Variants in TGFBR3 observed in about 807,000 individuals in gnomAD.
TGFBR3 encodes the protein transforming growth factor beta receptor type 3.
In TGFBR3, 46 loss-of-function variants were observed where a neutral mutation model predicts 87.9. That is an observed-to-expected ratio of 0.52 (90% CI 0.41 to 0.67). The LOEUF (loss-of-function observed/expected upper bound fraction) is 0.67. Ranked by LOEUF, TGFBR3 falls within the 30% of genes least tolerant of loss-of-function variation. The pLI is 0.00. For missense variants in TGFBR3, 866 were observed against 1,041.9 expected, an observed-to-expected ratio of 0.83 and a Z score of 2.32; for synonymous variants, 381 against 391.6, an observed-to-expected ratio of 0.97 and a Z score of 0.32.
At chr1:91,787,583 G>T (rs1298640886) in intron 3 of TGFBR3, among the ~76,000 whole-genome samples, 1 of 152,180 alleles carries the variant, frequency 6.6e-6, no homozygotes, top group Non-Finnish European at 1.5e-5. Context: ...TTTTGGAGTT[G>T]TAAGCAAGGA....
chr1:91,699,003 G>T (rs1244757510), intron 14 of TGFBR3, among the ~76,000 whole-genome samples: 1 of 148,772 alleles, frequency 6.7e-6, no homozygotes, highest in Non-Finnish European at 1.5e-5. Context: ...ATATTCTAGA[G>T]CCCAGAGCTG....
At chr1:91,893,351 C>T (rs887049138) in intron 2 of TGFBR3, among the ~76,000 whole-genome samples, 2 of 151,776 alleles carry the variant, frequency 1.3e-5, no homozygotes, top group Non-Finnish European at 2.9e-5. Flanking sequence ...GTGGCGTGAT[C>T]TCGGCCCACT....
intron 2 of TGFBR3, among the ~76,000 whole-genome samples, chr1:91,838,382 T>C (rs1204519379): frequency 6.6e-6 from 1 of 152,168 alleles, no homozygotes; most frequent in Non-Finnish European, 1.5e-5. Context: ...AACAGTATCT[T>C]TCATGAAAAA....
At chr1:91,859,401 TTCTC>T (rs1200563198) in intron 2 of TGFBR3, among the ~76,000 whole-genome samples, 24 of 147,684 alleles carry the variant, frequency 1.6e-4, no homozygotes, top group South Asian at 2.2e-4. Context: ...CTCTCCCTCT[TTCTC>T]TCTCTCTTTT....
In TGFBR3 at chr1:91,722,194, T is replaced by C. The variant is rs1235144709; in HGVS notation, c.886-50A>G. 4.2e-6 allele frequency: 6 copies of C among 1,420,196 alleles called. No individual in the cohort carries two copies. In the African/African-American group the frequency reaches 8.6e-5, roughly 20 times the overall value. The allele number at this position is 1,420,196 out of a possible 1,614,324, so 88.0% of individuals were successfully genotyped here. The stretch of plus-strand genomic sequence containing the variant: ...TCATGAGTCTAAAATTAAACAGTAC[T>C]TTAGATAATAAAAATTAAATATCTT... On this transcript the variant is annotated intron_variant, in intron 7 of 16. Transcript: ENST00000212355.
At chr1:91,827,715 A>G (rs959283285) in intron 2 of TGFBR3, among the ~76,000 whole-genome samples, 1 of 152,216 alleles carries the variant, frequency 6.6e-6, no homozygotes, top group Admixed American at 6.5e-5. Flanking sequence ...ACTACAGGAA[A>G]TATCTGAGTG....
intron 2 of TGFBR3, among the ~76,000 whole-genome samples, chr1:91,845,797 G>A (rs1249500561): frequency 6.6e-6 from 1 of 152,022 alleles, no homozygotes; most frequent in Non-Finnish European, 1.5e-5. Context: ...CTAAACAGAG[G>A]ACATGAGGAA....
chr1:91,716,338 G>A lies in TGFBR3; in HGVS notation c.1764C>T (p.His588=), dbSNP rs376531068. 138 of 1,614,054 alleles carry A rather than the reference G, an allele frequency of 8.5e-5. No individual in the cohort carries two copies. Among genetic ancestry groups the A allele is most frequent in the East Asian group, 2.2e-4 (10 of 44,880 alleles). The stretch of plus-strand genomic sequence containing the variant: ...GCTCCATGTTGAAGGTGATGTTTCC[G>A]TGGGGCTGTTCCTGGAAGCTGCTGG... The part of the protein sequence containing the change: ...RNPSSFQEQP[H]GNITFNMELY... Residue 588 remains histidine, a synonymous_variant, in exon 12 of 17, where the codon CAC becomes CAT. Transcript: ENST00000212355.
chr1:91,758,446 A>G (rs1037383534), intron 4 of TGFBR3, among the ~76,000 whole-genome samples, 167 bp downstream of exon 4: 3 of 152,190 alleles, frequency 2.0e-5, no homozygotes, highest in Non-Finnish European at 1.5e-5. Context: ...GTGAATGCTT[A>G]TCTATGTCAT....
chr1:91,752,199 C>T (rs1673567237), intron 4 of TGFBR3, among the ~76,000 whole-genome samples: 1 of 152,160 alleles, frequency 6.6e-6, no homozygotes, highest in African/African-American at 2.4e-5. Context: ...AGTTGAATTT[C>T]AGGTAAACAA....
intron 7 of TGFBR3, among the ~76,000 whole-genome samples, chr1:91,727,284 ACTGAGGTC>A (rs1268459293): frequency 2.0e-5 from 3 of 152,264 alleles, no homozygotes; most frequent in African/African-American, 7.2e-5. Context: ...GTACTATGAC[ACTGAGGTC>A]CTTGTGGGAT....
intron 4 of TGFBR3, 73 bp from the exon 5 acceptor site, chr1:91,735,032 C>A: frequency 2.5e-6 from 4 of 1,572,044 alleles, no homozygotes; most frequent in Non-Finnish European, 3.5e-6. Context: ...GAAAGTACTT[C>A]TCAAATCGAA....
In TGFBR3 at chr1:91,818,277, C is replaced by CTTTTTTT. The variant is rs1557726893; in HGVS notation, c.62-20807_62-20806insAAAAAAA. Reference sequence around the variant, plus strand: ...CTGCACCATTTCCCCTTAGCCCCAGCCTTTTTTTTTTTTTTTTTTTTTTTT... The same window carrying CTTTTTTT: ...CTGCACCATTTCCCCTTAGCCCCAGCTTTTTTTCTTTTTTTTTTTTTTTTTTTTTTTT... On this transcript the variant is annotated intron_variant, in intron 2 of 16. Coordinates refer to ENST00000212355, the MANE Select transcript of TGFBR3 (RefSeq NM_003243.5). Among the ~76,000 whole-genome samples the CTTTTTTT allele has an allele frequency of 5.7e-5, 7 of 123,142 alleles. 3 individuals carry two copies. Among genetic ancestry groups the CTTTTTTT allele is most frequent in the South Asian group, 5.5e-4 (2 of 3,636 alleles). The allele number at this position is 123,142 out of a possible 152,430, so 80.8% of individuals were successfully genotyped here. A position where few individuals can be genotyped will look rare whatever the true frequency, so the allele number is the denominator to read the frequency against.
chr1:91,853,994 G>A (rs1384302213), intron 2 of TGFBR3, among the ~76,000 whole-genome samples: 1 of 152,102 alleles, frequency 6.6e-6, no homozygotes, highest in African/African-American at 2.4e-5. Flanking sequence ...GGGTGACACA[G>A]TGAGACTCCA....
chr1:91,689,118 C>A (rs559841958), intron 16 of TGFBR3, among the ~76,000 whole-genome samples: 2 of 152,174 alleles, frequency 1.3e-5, no homozygotes, highest in Admixed American at 6.5e-5. Context: ...AAACAAAGCA[C>A]CTCCCGGAGC....
At chr1:91,703,414 A>G (rs901062364) in intron 14 of TGFBR3, among the ~76,000 whole-genome samples, 4 of 152,328 alleles carry the variant, frequency 2.6e-5, no homozygotes, top group African/African-American at 9.6e-5. Context: ...ATATGCAGGC[A>G]TTTTTATTTT....
rs1355018189 is a variant in TGFBR3, at chr1:91,680,767, A to T, written c.*2972T>A. 8.8e-6 allele frequency: 4 copies of T among 454,008 alleles called. No individual in the cohort carries two copies. The highest frequency in any genetic ancestry group is 1.8e-5 in the Non-Finnish European group (4 of 226,802). The allele number at this position is 454,008 out of a possible 1,614,324, so 28.1% of individuals were successfully genotyped here. ...GTAGTTACAGTACAAAAAGACTGGC[A>T]CGCGTGTGAGCACCCCACACACACT... On this transcript the variant is annotated 3_prime_UTR_variant, in exon 17 of 17. Transcript: ENST00000212355.
chr1:91,884,988 G>A (rs1459246230), intron 1 of TGFBR3, among the ~76,000 whole-genome samples: 2 of 152,228 alleles, frequency 1.3e-5, no homozygotes, highest in Non-Finnish European at 2.9e-5. Context: ...CAGGGCTAGC[G>A]GCAAGCAGCG....
intron 5 of TGFBR3, among the ~76,000 whole-genome samples, chr1:91,732,468 A>C (rs1283248707): frequency 6.6e-6 from 1 of 152,094 alleles, no homozygotes; most frequent in South Asian, 2.1e-4. Context: ...TGGGGCAAAA[A>C]CCACACTCTG....
Sources: allele counts gnomAD v4.1 joint callset (sites outside exome capture counted in the v4.1 genomes callset), GRCh38; gene constraint gnomAD v4.1.1; transcripts MANE v1.5; gene names NCBI Gene and HGNC (gene_info 2026-07-23, HGNC 2026-07-21).